Variants in CFAP107 observed in about 807,000 individuals in gnomAD.
The protein encoded by CFAP107 is cilia- and flagella-associated protein 107.
At chr1:12,749,366 C>G in the CFAP107 span, among the ~76,000 whole-genome samples, 1 of 152,304 alleles carries the variant, frequency 6.6e-6, no homozygotes, top group South Asian at 2.1e-4. Flanking sequence ...AATCTCAGCA[C>G]TTTGGGAGGA....
At chr1:12,759,818 G>A in the CFAP107 span, among the ~76,000 whole-genome samples, 1 of 152,158 alleles carries the variant, frequency 6.6e-6, no homozygotes, top group African/African-American at 2.4e-5. Context: ...TTCCCAGGTA[G>A]TGCTCCCTGC....
the CFAP107 span, chr1:12,761,046 G>A: frequency 1.0e-5 from 13 of 1,266,356 alleles, no homozygotes; most frequent in Middle Eastern, 2.2e-4. Flanking sequence ...TAAACTCAGA[G>A]TACGAGATCT....
At chr1:12,755,767 A>G in the CFAP107 span, 28 of 1,613,864 alleles carry the variant, frequency 1.7e-5, no homozygotes, top group Non-Finnish European at 2.3e-5. Flanking sequence ...TTCCCAGACC[A>G]CAGACCAGAC....
the CFAP107 span, among the ~76,000 whole-genome samples, chr1:12,750,528 G>C: frequency 6.6e-6 from 1 of 152,148 alleles, no homozygotes; most frequent in Non-Finnish European, 1.5e-5. Context: ...GAAAGTGAAA[G>C]GAAGCAAAAA....
At chr1:12,757,275 C>T in the CFAP107 span, among the ~76,000 whole-genome samples, 1 of 152,124 alleles carries the variant, frequency 6.6e-6, no homozygotes, top group Non-Finnish European at 1.5e-5. Context: ...ACCCACCACC[C>T]CCCCGCATTG....
chr1:12,761,162 T>G, the CFAP107 span: 1 of 543,592 alleles, frequency 1.8e-6, no homozygotes, highest in Non-Finnish European at 3.3e-6. Flanking sequence ...TAAAGATCTT[T>G]GACACTATTG....
the CFAP107 span, among the ~76,000 whole-genome samples, chr1:12,758,096 G>A: frequency 1.3e-5 from 2 of 152,014 alleles, no homozygotes; most frequent in Non-Finnish European, 2.9e-5. Context: ...AAAGGCTCTG[G>A]GCCCTGCCCC....
chr1:12,751,053 C>T, the CFAP107 span, among the ~76,000 whole-genome samples: 11 of 151,352 alleles, frequency 7.3e-5, no homozygotes, highest in African/African-American at 2.7e-4. Context: ...TAAAAAAAAT[C>T]AGTAAAGAGA....
the CFAP107 span, among the ~76,000 whole-genome samples, chr1:12,752,883 G>A: frequency 6.6e-6 from 1 of 151,900 alleles, no homozygotes; most frequent in Non-Finnish European, 1.5e-5. Context: ...GGAAAGAAAA[G>A]GAAAAGCTTC....
At chr1:12,763,229 A>G in the CFAP107 span, 2 of 152,126 alleles carry the variant, frequency 1.3e-5, no homozygotes, top group Non-Finnish European at 2.9e-5. Flanking sequence ...ACGGTAGCTG[A>G]TGAGCTAAAA....
the CFAP107 span, among the ~76,000 whole-genome samples, chr1:12,755,507 G>A: frequency 6.6e-6 from 1 of 152,166 alleles, no homozygotes; most frequent in Non-Finnish European, 1.5e-5. Context: ...GCCAATGACA[G>A]CTCTTCCCGG....
chr1:12,752,444 G>A, the CFAP107 span, among the ~76,000 whole-genome samples: 1 of 150,986 alleles, frequency 6.6e-6, no homozygotes, highest in Non-Finnish European at 1.5e-5. Flanking sequence ...AATTAGCTGG[G>A]CATAGTGGCA....
chr1:12,748,480 A>G, the CFAP107 span, among the ~76,000 whole-genome samples: 1 of 150,990 alleles, frequency 6.6e-6, no homozygotes, highest in Admixed American at 6.6e-5. Context: ...AAAAAAAAAA[A>G]CCACACACAG....
At chr1:12,762,240 C>T in the CFAP107 span, 2 of 152,042 alleles carry the variant, frequency 1.3e-5, no homozygotes, top group African/African-American at 2.4e-5. Flanking sequence ...GTCTTCCATC[C>T]CAACTGAAAG....
At chr1:12,761,005 A>T in the CFAP107 span, 1 of 1,493,644 alleles carries the variant, frequency 6.7e-7, no homozygotes, top group South Asian at 1.3e-5. Context: ...CCACAGCATC[A>T]CTGGACTTGC....
At chr1:12,757,277 C>G in the CFAP107 span, among the ~76,000 whole-genome samples, 38 of 152,252 alleles carry the variant, frequency 2.5e-4, no homozygotes, top group Non-Finnish European at 3.8e-4. Flanking sequence ...CCACCACCCC[C>G]CCGCATTGTC....
At chr1:12,754,658 T>A in the CFAP107 span, among the ~76,000 whole-genome samples, 1 of 152,254 alleles carries the variant, frequency 6.6e-6, no homozygotes, top group East Asian at 1.9e-4. Flanking sequence ...AAGTGTATCA[T>A]GGAATATAAT....
At chr1:12,757,891 C>T in the CFAP107 span, among the ~76,000 whole-genome samples, 16 of 152,174 alleles carry the variant, frequency 1.1e-4, no homozygotes, top group South Asian at 3.1e-3. Flanking sequence ...CTCCAAAGCC[C>T]GTATCCCCAA....
the CFAP107 span, chr1:12,746,679 C>G: frequency 1.6e-6 from 1 of 639,726 alleles, no homozygotes; most frequent in South Asian, 1.7e-5. Flanking sequence ...TCTCTGTGCT[C>G]TACAAAGGAT....
Sources: allele counts gnomAD v4.1 joint callset (sites outside exome capture counted in the v4.1 genomes callset), GRCh38; gene constraint gnomAD v4.1.1; transcripts MANE v1.5; gene names NCBI Gene and HGNC (gene_info 2026-07-23, HGNC 2026-07-21).